Variants in TBCD observed in about 807,000 individuals in gnomAD.
TBCD encodes the protein tubulin-specific chaperone D.
In TBCD, 105 loss-of-function variants were observed where a neutral mutation model predicts 169.3. The observed-to-expected ratio is 0.62, with a 90% CI of 0.53 to 0.73. The LOEUF (loss-of-function observed/expected upper bound fraction) is 0.73, where lower values mean the gene tolerates loss of function less well. Ranked by LOEUF, TBCD falls within the 30% of genes least tolerant of loss-of-function variation. The probability of loss-of-function intolerance (pLI) is 0.00; values close to 1 mark genes in which losing one functional copy is unlikely to be tolerated. For synonymous variants in TBCD, 700 were observed against 643.9 expected (o/e 1.09, Z -1.32); for missense variants, 1,444 against 1,600.1 (o/e 0.90, Z 1.66).
intron 28 of TBCD, 104 bp downstream of exon 28, chr17:82,926,595 A>G: frequency 2.2e-6 from 2 of 923,402 alleles, no homozygotes; most frequent in Non-Finnish European, 3.4e-6. Flanking sequence ...ATGATTCTTC[A>G]CTTCCTAGGT....
At chr17:82,927,433 G>A (rs1174534062) in intron 29 of TBCD, 110 bp downstream of exon 29, 24 of 1,416,480 alleles carry the variant, frequency 1.7e-5, no homozygotes, top group East Asian at 7.5e-5. Context: ...GATTTGTGCC[G>A]TGTTTTGCGT....
At chr17:82,784,988 G>A (rs1393508161) in intron 7 of TBCD, among the ~76,000 whole-genome samples, 2 of 146,348 alleles carry the variant, frequency 1.4e-5, no homozygotes, top group African/African-American at 5.1e-5. Flanking sequence ...CCATCGCAGC[G>A]GGAGGGGGGT....
At chr17:82,775,376 A>G (rs1598433543) in intron 6 of TBCD, among the ~76,000 whole-genome samples, 2 of 151,392 alleles carry the variant, frequency 1.3e-5, no homozygotes, top group African/African-American at 4.9e-5. Flanking sequence ...TTCCCTCGAC[A>G]CCTCCCAGAC....
chr17:82,901,953 T>A (rs1158753921), intron 18 of TBCD, among the ~76,000 whole-genome samples: 2 of 152,188 alleles, frequency 1.3e-5, no homozygotes, highest in African/African-American at 4.8e-5. Flanking sequence ...AAACCAAAGT[T>A]ACAGATATAT....
intron 3 of TBCD, among the ~76,000 whole-genome samples, chr17:82,765,860 C>G (rs2047992876): frequency 6.6e-6 from 1 of 152,118 alleles, no homozygotes; most frequent in African/African-American, 2.4e-5. Flanking sequence ...CTCTGTCACT[C>G]AGGCTAGAGT....
In TBCD at chr17:82,922,541, A is replaced by G. The variant is rs888772496; in HGVS notation, c.2178+964A>G. Among the ~76,000 whole-genome samples, 1 of 151,770 alleles carries G rather than the reference A, an allele frequency of 6.6e-6. No homozygotes were observed. Among genetic ancestry groups the G allele is most frequent in the African/African-American group, 2.4e-5 (1 of 41,374 alleles). On this transcript the variant is annotated intron_variant, in intron 25 of 38. Transcript: ENST00000355528. The surrounding 1 kb of genome is among the most constrained non-coding windows in gnomAD (Gnocchi z 4.1). Reference sequence around the variant, plus strand: ...TTTTCTTATTTTTTTTTTCTTAAGGAACTTGAACATTCTGTAGGATCCAAG... The same window carrying G: ...TTTTCTTATTTTTTTTTTCTTAAGGGACTTGAACATTCTGTAGGATCCAAG...
intron 13 of TBCD, among the ~76,000 whole-genome samples, chr17:82,854,599 T>C (rs1401605107): frequency 6.6e-6 from 1 of 152,180 alleles, no homozygotes; most frequent in African/African-American, 2.4e-5. Context: ...GCAGGTTACT[T>C]GTATGGGTAA....
rs1457879461 is a variant in TBCD, at chr17:82,943,882, GGGT to G, written c.*1420_*1422del. 5.9e-5 allele frequency: 9 copies of G among 152,268 alleles called. No individual in the cohort carries two copies. Among genetic ancestry groups the G allele is most frequent in the African/African-American group, 2.2e-4 (9 of 41,442 alleles). 9.4% of individuals were successfully genotyped at this position (152,268 alleles called of 1,614,324 possible). A position where few individuals can be genotyped will look rare whatever the true frequency, so the allele number is the denominator to read the frequency against. ...CCGATTGGCTGGGGTCACGTGGTGAGGGTCCTGGGTGACCAGGCCTAGCCTTGG... is the reference window on the plus strand; with the variant it reads ...CCGATTGGCTGGGGTCACGTGGTGAGCCTGGGTGACCAGGCCTAGCCTTGG... On this transcript the variant is annotated 3_prime_UTR_variant, in exon 39 of 39. Transcript: ENST00000355528.
chr17:82,877,632 G>C (rs895448054), intron 14 of TBCD, among the ~76,000 whole-genome samples: 3 of 152,142 alleles, frequency 2.0e-5, no homozygotes, highest in Non-Finnish European at 4.4e-5. Flanking sequence ...GAGCCACTGC[G>C]CCCGGCTGTA....
At chr17:82,865,415 C>T (rs1235922682) in intron 13 of TBCD, 5 of 966,136 alleles carry the variant, frequency 5.2e-6, no homozygotes, top group Non-Finnish European at 6.2e-6. Context: ...GCTCAGTGCT[C>T]TGCAGGGGCC....
At chr17:82,777,918 C>G (rs919387038) in intron 6 of TBCD, among the ~76,000 whole-genome samples, 4 of 152,190 alleles carry the variant, frequency 2.6e-5, no homozygotes, top group Non-Finnish European at 2.9e-5. Context: ...ACCGCTAGAC[C>G]ACGGTCCGCT....
chr17:82,853,492 T>C (rs1039500537), intron 13 of TBCD, among the ~76,000 whole-genome samples: 2 of 151,664 alleles, frequency 1.3e-5, no homozygotes, highest in African/African-American at 2.4e-5. Flanking sequence ...AGCTTTGAAC[T>C]CATGGGCTAG....
intron 6 of TBCD, among the ~76,000 whole-genome samples, chr17:82,778,743 C>A (rs1414868840): frequency 6.8e-6 from 1 of 146,466 alleles, no homozygotes; most frequent in South Asian, 2.1e-4. Flanking sequence ...CTCCACTGAA[C>A]CTCTGCCTCC....
chr17:82,847,233 A>G (rs535898718), intron 13 of TBCD, among the ~76,000 whole-genome samples: 199 of 152,052 alleles, frequency 1.3e-3, no homozygotes, highest in South Asian at 4.0e-3. Flanking sequence ...GGTGCCTGTA[A>G]TCCCAACTAC....
intron 13 of TBCD, among the ~76,000 whole-genome samples, chr17:82,847,753 C>G (rs190775276): frequency 2.6e-5 from 4 of 152,316 alleles, no homozygotes; most frequent in Admixed American, 2.6e-4. Flanking sequence ...TCCCGAATAG[C>G]TGGGATCACA....
chr17:82,914,294 T>C (rs2060873435), intron 23 of TBCD: 1 of 152,306 alleles, frequency 6.6e-6, no homozygotes, highest in South Asian at 2.1e-4. Flanking sequence ...GGGTGCAGGG[T>C]GGTTTCTGTC....
intron 5 of TBCD, among the ~76,000 whole-genome samples, chr17:82,770,211 A>G (rs2048234032): frequency 6.6e-6 from 1 of 152,158 alleles, no homozygotes; most frequent in African/African-American, 2.4e-5. Flanking sequence ...CCCCCTCATA[A>G]TCGTTAAGGG....
At chr17:82,758,835 A>G (rs1432968422) in intron 2 of TBCD, among the ~76,000 whole-genome samples, 3 of 149,820 alleles carry the variant, frequency 2.0e-5, no homozygotes, top group Non-Finnish European at 4.4e-5. Context: ...AATTTTTTGC[A>G]TTTTTAGTAG....
rs1371500948 is a variant in TBCD, at chr17:82,874,373, G to A, written c.1475+3993G>A. Among the ~76,000 whole-genome samples, 1 of 152,176 alleles carries A rather than the reference G, an allele frequency of 6.6e-6. No individual in the cohort carries two copies. The highest frequency in any genetic ancestry group is 2.4e-5 in the African/African-American group (1 of 41,440). ...CCAGCGTTGGCCTGGGTCCCACTTGGCTTTGATCTCGTGGGGCTTTGGTTT... is the reference window on the plus strand; with the variant it reads ...CCAGCGTTGGCCTGGGTCCCACTTGACTTTGATCTCGTGGGGCTTTGGTTT... On this transcript the variant is annotated intron_variant, in intron 14 of 38. Transcript: ENST00000355528. The surrounding 1 kb of genome is among the most constrained non-coding windows in gnomAD (Gnocchi z 5.0).
Sources: gnomAD v4.1 joint callset for allele counts (sites outside exome capture counted in the v4.1 genomes callset) on GRCh38, gnomAD v4.1.1 for gene constraint, Gnocchi (gnomAD v3.1) non-coding constraint, MANE v1.5 for transcripts, NCBI Gene and HGNC (gene_info 2026-07-23, HGNC 2026-07-21) for gene names.